The following THAP6 variants were observed in gnomAD, a reference collection of about 807,000 sequenced individuals.
The protein encoded by THAP6 is THAP domain containing 6, also known as THAP domain-containing protein 6.
A neutral mutation model predicts 20.0 loss-of-function variants in THAP6; 13 were observed. The observed-to-expected ratio is 0.65, with a 90% CI of 0.42 to 1.03. THAP6 has a LOEUF of 1.03. Ranked by LOEUF, THAP6 falls within the 50% of genes least tolerant of loss-of-function variation. The pLI is 0.00. For missense variants in THAP6, 262 were observed against 261.6 expected (o/e 1.00, Z -0.01); for synonymous variants, 93 against 92.2 (o/e 1.01, Z -0.05).
At position 75,529,812 on chromosome 4, in the gene THAP6, G is replaced by A. The variant is rs1026821697; in HGVS notation, c.*2598G>A. 3.0e-6 allele frequency: 3 copies of A among 985,380 alleles called. No individual in the cohort carries two copies. Among genetic ancestry groups the A allele is most frequent in the Non-Finnish European group, 3.6e-6 (3 of 829,918 alleles). The allele number at this position is 985,380 out of a possible 1,614,324, so 61.0% of individuals were successfully genotyped here. A position where few individuals can be genotyped will look rare whatever the true frequency, so the allele number is the denominator to read the frequency against. On this transcript the variant is annotated 3_prime_UTR_variant, in exon 5 of 5. Coordinates refer to ENST00000311638, the MANE Select transcript of THAP6 (RefSeq NM_144721.6). ...AAGTCAGGTACGAAGCGCTTGATACGTGGAATTTTTCTCTATATCAAGTTT... is the reference window on the plus strand; with the variant it reads ...AAGTCAGGTACGAAGCGCTTGATACATGGAATTTTTCTCTATATCAAGTTT...
rs1229242703 is a variant in THAP6 at position 75,522,112 on chromosome 4, T to G, written c.414+251T>G. The G allele has an allele frequency of 6.7e-6, 3 of 447,008 alleles. No homozygotes were observed. In the East Asian group the frequency reaches 9.8e-5, roughly 15 times the overall value. 27.7% of individuals were successfully genotyped at this position (447,008 alleles called of 1,614,324 possible). A position where few individuals can be genotyped will look rare whatever the true frequency, so the allele number is the denominator to read the frequency against. ...AGGATATTTCTACCAAGGAAATAATTCTTCCCTCTAACTGCTATAATTTCC... is the reference window on the plus strand; with the variant it reads ...AGGATATTTCTACCAAGGAAATAATGCTTCCCTCTAACTGCTATAATTTCC... On this transcript the variant is annotated intron_variant, in intron 4 of 4. Coordinates refer to ENST00000311638, the MANE Select transcript of THAP6 (RefSeq NM_144721.6).
At chr4:75,542,468 C>T in exon 3 of THAP6, 1 of 702,428 alleles carries the variant, frequency 1.4e-6, no homozygotes, top group Non-Finnish European at 2.6e-6. Context: ...CAGTAACCAT[C>T]ATAGCTAACA....
At chr4:75,544,136 T>C (rs1727072393) in intron 3 of THAP6, among the ~76,000 whole-genome samples, 1 of 152,126 alleles carries the variant, frequency 6.6e-6, no homozygotes, top group South Asian at 2.1e-4. Flanking sequence ...GAGTATAATA[T>C]ACTCTAATGC....
intron 4 of THAP6, chr4:75,522,086 A>G (rs972923480): frequency 4.3e-6 from 2 of 463,422 alleles, no homozygotes; most frequent in Non-Finnish European, 7.5e-6. Context: ...AGGCTTTTGC[A>G]AGGATATTTC....
At position 75,528,894 on chromosome 4, in the gene THAP6, C is replaced by CA. The variant is rs937914775; in HGVS notation, c.*1689dup. On this transcript the variant is annotated 3_prime_UTR_variant, in exon 5 of 5. Coordinates refer to ENST00000311638, the MANE Select transcript of THAP6 (RefSeq NM_144721.6). ...TGAAACCCCATCTCTGCTAAAAATACAAAAAAAAATTAGCCGGGCATGGTG... is the reference window on the plus strand; with the variant it reads ...TGAAACCCCATCTCTGCTAAAAATACAAAAAAAAAATTAGCCGGGCATGGTG... 5.3e-4 allele frequency: 323 copies of CA among 613,738 alleles called. No individual in the cohort carries two copies. The highest frequency in any genetic ancestry group is 1.6e-3 in the South Asian group (22 of 13,966). 38.0% of individuals were successfully genotyped at this position (613,738 alleles called of 1,614,324 possible).
In THAP6 at chr4:75,527,368, G is replaced by C; in HGVS notation, c.*154G>C. ...ATAGTTGTTATCCAAAGACTTTTTT[G>C]AAAATATGCAGAAATTTGTGGTAAT... On this transcript the variant is annotated 3_prime_UTR_variant, in exon 5 of 5. Coordinates refer to ENST00000311638, the MANE Select transcript of THAP6 (RefSeq NM_144721.6). 1 of 1,429,956 alleles carries C rather than the reference G, an allele frequency of 7.0e-7. No individual in the cohort carries two copies. The highest frequency in any genetic ancestry group is 9.1e-7 in the Non-Finnish European group (1 of 1,094,106). 88.6% of individuals were successfully genotyped at this position (1,429,956 alleles called of 1,614,324 possible).
downstream of THAP6, among the ~76,000 whole-genome samples, chr4:75,530,224 C>T (rs1194030282): frequency 6.6e-6 from 1 of 152,100 alleles, no homozygotes; most frequent in African/African-American, 2.4e-5. Context: ...CTGCATTGGC[C>T]CTCACTCAAA....
upstream of THAP6, chr4:75,514,321 C>T (rs201951635): frequency 4.4e-6 from 7 of 1,593,524 alleles, no homozygotes; most frequent in Middle Eastern, 1.8e-4. Flanking sequence ...ACCGATCCTT[C>T]CCCCAGGATA....
chr4:75,531,899 G>GA (rs1726692289), downstream of THAP6, among the ~76,000 whole-genome samples: 1 of 151,518 alleles, frequency 6.6e-6, no homozygotes, highest in Non-Finnish European at 1.5e-5. Flanking sequence ...CTCTCCCACT[G>GA]GGTCCCTCCC....
Position 75,528,719 on chromosome 4 carries a change from T to C in THAP6, c.*1505T>C, listed in dbSNP as rs768186630. ...AAGAGGAAATCACTGAGGCCATATC[T>C]TTTTACAATCTGAAAAAAAAGTAGT... On this transcript the variant is annotated 3_prime_UTR_variant, in exon 5 of 5. Transcript: ENST00000311638. The C allele has an allele frequency of 1.8e-5, 18 of 984,134 alleles. No individual in the cohort carries two copies. The highest frequency in any genetic ancestry group is 5.3e-5 in the African/African-American group (3 of 56,648). 61.0% of individuals were successfully genotyped at this position (984,134 alleles called of 1,614,324 possible).
At position 75,529,797 on chromosome 4, in the gene THAP6, C is replaced by T. The variant is rs187645126; in HGVS notation, c.*2583C>T. Reference sequence around the variant, plus strand: ...TTCAACCTCAGCACCAAGTCAGGTACGAAGCGCTTGATACGTGGAATTTTT... The same window carrying T: ...TTCAACCTCAGCACCAAGTCAGGTATGAAGCGCTTGATACGTGGAATTTTT... On this transcript the variant is annotated 3_prime_UTR_variant, in exon 5 of 5. Coordinates refer to ENST00000311638, the MANE Select transcript of THAP6 (RefSeq NM_144721.6). The T allele has an allele frequency of 2.2e-3, 2,141 of 985,324 alleles. 9 individuals are homozygous for T. The highest frequency in any genetic ancestry group is 0.017 in the Admixed American group (275 of 16,270). 61.0% of individuals were successfully genotyped at this position (985,324 alleles called of 1,614,324 possible).
In THAP6 at chr4:75,529,739, G is replaced by A. The variant is rs1726604636; in HGVS notation, c.*2525G>A. ...CACTTTGCTTTAAAAGCTAGGAGTG[G>A]CCTCTAGAGCCAGGAACACATTAAT... is the stretch of plus-strand genomic sequence containing the variant. On this transcript the variant is annotated 3_prime_UTR_variant, in exon 5 of 5. Coordinates refer to ENST00000311638, the MANE Select transcript of THAP6 (RefSeq NM_144721.6). The A allele has an allele frequency of 2.0e-6, 2 of 985,254 alleles. No individual in the cohort carries two copies. Among genetic ancestry groups the A allele is most frequent in the Admixed American group, 6.2e-5 (1 of 16,258 alleles). 61.0% of individuals were successfully genotyped at this position (985,254 alleles called of 1,614,324 possible). A position where few individuals can be genotyped will look rare whatever the true frequency, so the allele number is the denominator to read the frequency against.
chr4:75,518,337 C>T (rs1409720240), intron 3 of THAP6, among the ~76,000 whole-genome samples: 1 of 152,082 alleles, frequency 6.6e-6, no homozygotes, highest in Non-Finnish European at 1.5e-5. Flanking sequence ...ATACTGTGAA[C>T]ACTTTGATCT....
At chr4:75,542,730 G>GT (rs1461856228) in intron 3 of THAP6, 1 of 356,920 alleles carries the variant, frequency 2.8e-6, no homozygotes, top group African/African-American at 2.1e-5. Flanking sequence ...GTTTTGTTTT[G>GT]TTTTGTCTTT....
At chr4:75,532,122 C>T (rs562860188), downstream of THAP6, among the ~76,000 whole-genome samples, 122 of 152,296 alleles carry the variant, frequency 8.0e-4, no homozygotes, top group African/African-American at 2.8e-3. Flanking sequence ...GGGCAATTCC[C>T]TTCCGCCTAT....
intron 4 of THAP6, 115 bp downstream of exon 4, chr4:75,521,976 T>C (rs1726064170): frequency 8.0e-7 from 1 of 1,253,738 alleles, no homozygotes; most frequent in Non-Finnish European, 1.1e-6. Context: ...ATGTAATATC[T>C]ACAAATAATA....
rs1726522363 is a variant in THAP6, at chr4:75,528,616, T to C, written c.*1402T>C. 1.0e-6 allele frequency: 1 copy of C among 984,824 alleles called. No individual in the cohort carries two copies. Among genetic ancestry groups the C allele is most frequent in the South Asian group, 4.7e-5 (1 of 21,280 alleles). The allele number at this position is 984,824 out of a possible 1,614,324, so 61.0% of individuals were successfully genotyped here. The stretch of plus-strand genomic sequence containing the variant: ...TTTAAGAATTTTCTGTTTTAATGCA[T>C]GTTATACTTTTATGTAGGATTCCAA... On this transcript the variant is annotated 3_prime_UTR_variant, in exon 5 of 5. Transcript: ENST00000311638.
chr4:75,532,541 C>A (rs1726713726), downstream of THAP6, among the ~76,000 whole-genome samples: 1 of 152,220 alleles, frequency 6.6e-6, no homozygotes, highest in Non-Finnish European at 1.5e-5. Context: ...AGGCAGTGCC[C>A]AGTAGGGACT....
At chr4:75,516,173 A>G (rs896814990) in intron 2 of THAP6, among the ~76,000 whole-genome samples, 4 of 152,226 alleles carry the variant, frequency 2.6e-5, no homozygotes, top group African/African-American at 9.7e-5. Context: ...GAGCATATAT[A>G]TCCTACCTTA....
Sources: gnomAD v4.1 joint callset for allele counts (sites outside exome capture counted in the v4.1 genomes callset) on GRCh38, gnomAD v4.1.1 for gene constraint, MANE v1.5 for transcripts, NCBI Gene and HGNC (gene_info 2026-07-23, HGNC 2026-07-21) for gene names.